Variants in IGF2 observed in about 807,000 individuals in gnomAD.
IGF2 encodes insulin like growth factor 2, also known as insulin-like growth factor 2.
In IGF2, 2 loss-of-function variants were observed where a neutral mutation model predicts 12.0. The ratio of observed to expected loss-of-function variants is 0.17; its 90% CI spans 0.07 to 0.52. IGF2 has a LOEUF of 0.52. Among genes scored for constraint, IGF2 ranks in the 20% least tolerant of loss-of-function variants. IGF2 has a pLI of 0.95. For missense variants in IGF2, 211 were observed against 268.0 expected (o/e 0.79, Z 1.48); for synonymous variants, 105 against 110.1 (o/e 0.95, Z 0.29).
rs778883501 is a variant in IGF2, at chr11:2,133,498, A to G, written c.306+19T>C. ...TTTCTCTGTCTCTAGAGAGTGGGAAAGGGGCCCAGGACCCTCACCGGAAGC... is the reference window on the plus strand; with the variant it reads ...TTTCTCTGTCTCTAGAGAGTGGGAAGGGGGCCCAGGACCCTCACCGGAAGC... On this transcript the variant is annotated intron_variant, in intron 3 of 3. Transcript: ENST00000416167. This position sits in a 1 kb window ranked among gnomAD's most constrained non-coding sequence, Gnocchi z 8.9. The G allele has an allele frequency of 6.2e-7, 1 of 1,603,080 alleles. No homozygotes were observed. Among genetic ancestry groups the G allele is most frequent in the East Asian group, 2.2e-5 (1 of 44,612 alleles).
rs1426887246 is a variant in IGF2, at chr11:2,137,343, G to A, written c.-7+886C>T. 3 of 775,306 alleles carry A rather than the reference G, an allele frequency of 3.9e-6. No individual in the cohort carries two copies. The African/African-American group carries it at 5.7e-5, about 15-fold the overall frequency. 48.0% of individuals were successfully genotyped at this position (775,306 alleles called of 1,614,324 possible). ...TGTGAGCCGACTCCTCCCAGCCCGG[G>A]CTCCACCCTACCCCCCACCCCTCTC... On this transcript the variant is annotated intron_variant, in intron 1 of 3. Coordinates refer to ENST00000416167, the MANE Select transcript of IGF2 (RefSeq NM_000612.6).
chr11:2,129,410 C>G lies in IGF2; in HGVS notation c.*3577G>C, dbSNP rs894519033. 2.6e-5 allele frequency: 6 copies of G among 229,464 alleles called. No individual in the cohort carries two copies. The highest frequency in any genetic ancestry group is 4.4e-5 in the African/African-American group (2 of 45,062). The allele number at this position is 229,464 out of a possible 1,614,324, so 14.2% of individuals were successfully genotyped here. Reference sequence around the variant, plus strand: ...AGGCACGGAGGTCAGACAGGCAGCCCGGGCCAGGATGGTTAGTGGCCCAGG... The same window carrying G: ...AGGCACGGAGGTCAGACAGGCAGCCGGGGCCAGGATGGTTAGTGGCCCAGG... On this transcript the variant is annotated 3_prime_UTR_variant, in exon 4 of 4. Coordinates refer to ENST00000416167, the MANE Select transcript of IGF2 (RefSeq NM_000612.6). The surrounding 1 kb of genome is among the most constrained non-coding windows in gnomAD (Gnocchi z 8.1).
upstream of IGF2, chr11:2,141,195 C>A: frequency 6.4e-6 from 1 of 156,144 alleles, no homozygotes; most frequent in Non-Finnish European, 1.4e-5. Context: ...CAGAGAGGCC[C>A]GAAACCAGTG....
Position 2,133,952 on chromosome 11 carries a change from C to G in IGF2, c.158-287G>C, listed in dbSNP as rs113257255. Among the ~76,000 whole-genome samples, 1,220 of 152,340 alleles carry G rather than the reference C, an allele frequency of 8.0e-3. 6 individuals carry two copies. The highest frequency in any genetic ancestry group is 0.014 in the Middle Eastern group (4 of 294). On this transcript the variant is annotated intron_variant, in intron 2 of 3. Coordinates refer to ENST00000416167, the MANE Select transcript of IGF2 (RefSeq NM_000612.6). The surrounding 1 kb of genome is among the most constrained non-coding windows in gnomAD (Gnocchi z 8.9). ...TCTTGGTCCCACAACCAGAGGGACA[C>G]CACCAGGACCAAAGGCTCACAATGG...
intron 1 of IGF2, 33 bp downstream of exon 1, chr11:2,138,196 C>T: frequency 2.0e-6 from 2 of 983,274 alleles, no homozygotes; most frequent in Non-Finnish European, 2.4e-6. Context: ...CGCCCCAGCC[C>T]CGGCCCCGGC....
chr11:2,133,056 C>T lies in IGF2; in HGVS notation c.474G>A (p.Leu158=), dbSNP rs767032426. The change falls in exon 4 of 4, where the codon CTG becomes CTA. Residue 158 remains leucine (L), a synonymous_variant. Coordinates refer to ENST00000416167, the MANE Select transcript of IGF2 (RefSeq NM_000612.6). The surrounding 1 kb of genome is among the most constrained non-coding windows in gnomAD (Gnocchi z 8.9). ...AFREAKRHRP[L]IALPTQDPAH... ...CGGGGTCTTGGGTGGGTAGAGCAATCAGGGGACGGTGACGTTTGGCCTCCC... is the reference window on the plus strand; with the variant it reads ...CGGGGTCTTGGGTGGGTAGAGCAATTAGGGGACGGTGACGTTTGGCCTCCC... 1.4e-5 allele frequency: 23 copies of T among 1,602,850 alleles called. No individual in the cohort carries two copies. Among genetic ancestry groups the T allele is most frequent in the Non-Finnish European group, 2.0e-5 (23 of 1,173,806 alleles).
chr11:2,142,580 T>C (rs879651372), upstream of IGF2, among the ~76,000 whole-genome samples: 6 of 152,172 alleles, frequency 3.9e-5, no homozygotes, highest in Non-Finnish European at 8.8e-5. The surrounding 1 kb of genome is among the most constrained non-coding windows in gnomAD (Gnocchi z 5.7). Context: ...GAGGGCAGCG[T>C]CCAGAACATC....
rs1389321188 is a variant in IGF2 at position 2,130,804 on chromosome 11, A to G, written c.*2183T>C. On this transcript the variant is annotated 3_prime_UTR_variant, in exon 4 of 4. Coordinates refer to ENST00000416167, the MANE Select transcript of IGF2 (RefSeq NM_000612.6). ...CCCCCCACCCACCCCTCCAACCGCC[A>G]GACTTCCCACACTCCCCGCATCAGT... 1 of 34,078 alleles carries G rather than the reference A, an allele frequency of 2.9e-5. No individual in the cohort carries two copies. The highest frequency in any genetic ancestry group is 1.2e-3 in the South Asian group (1 of 858). 2.1% of individuals were successfully genotyped at this position (34,078 alleles called of 1,614,324 possible).
chr11:2,149,144 G>A, the IGF2 span: 61 of 1,613,234 alleles, frequency 3.8e-5, no homozygotes, highest in Middle Eastern at 1.6e-4. Flanking sequence ...TAGTCCCTGC[G>A]CAGTCCCCGC....
chr11:2,144,289 C>A (rs1056146393), upstream of IGF2, among the ~76,000 whole-genome samples: 1 of 152,132 alleles, frequency 6.6e-6, no homozygotes, highest in Non-Finnish European at 1.5e-5. Flanking sequence ...CGCCACTGCG[C>A]CCCACTCGCC....
chr11:2,140,267 C>G (rs1859470694), upstream of IGF2: 2 of 1,613,026 alleles, frequency 1.2e-6, no homozygotes, highest in East Asian at 4.5e-5. Context: ...CGGGGGCCAC[C>G]ACGATAATTT....
chr11:2,140,044 C>A (rs866239911), upstream of IGF2: 3 of 1,319,806 alleles, frequency 2.3e-6, no homozygotes, highest in Non-Finnish European at 3.1e-6. Context: ...CCGGCTGCGC[C>A]GGGCCGAATC....
the IGF2 span, chr11:2,147,477 C>T: frequency 1.9e-6 from 1 of 520,188 alleles, no homozygotes; most frequent in Non-Finnish European, 3.0e-6. The surrounding 1 kb of genome is among the most constrained non-coding windows in gnomAD (Gnocchi z 7.2). Context: ...GCCAAAGCTG[C>T]TTGCAGAAGG....
chr11:2,140,563 C>T (rs1175202489), upstream of IGF2: 6 of 493,812 alleles, frequency 1.2e-5, no homozygotes, highest in South Asian at 2.1e-5. Flanking sequence ...AGCGCCTCTC[C>T]TCCGCGTCCC....
the IGF2 span, chr11:2,149,110 A>G: frequency 6.2e-7 from 1 of 1,608,624 alleles, no homozygotes; most frequent in Admixed American, 1.7e-5. Flanking sequence ...CACTCAAGGG[A>G]TGGGAGCCCA....
At chr11:2,137,109 G>T in intron 1 of IGF2, 1 of 459,326 alleles carries the variant, frequency 2.2e-6, no homozygotes, top group Non-Finnish European at 2.9e-6. Flanking sequence ...AGGCCCAGGC[G>T]TGGGCCGTGC....
In IGF2 at chr11:2,133,091, C is replaced by G. The variant is rs150866176; in HGVS notation, c.439G>C (p.Glu147Gln). The change falls in exon 4 of 4, where the codon GAG becomes CAG. Residue 147 changes from glutamate (E) to glutamine (Q), a missense_variant. Around this residue, in one of 3 missense-constraint regions of IGF2, gnomAD observed 141 missense variants for 153.1 expected, o/e 0.92. Transcript: ENST00000416167. The surrounding 1 kb of genome is among the most constrained non-coding windows in gnomAD (Gnocchi z 8.9). ...TGACGTTTGGCCTCCCTGAACGCCT[C>G]GAGCTCCTTGGCGAGCACGTGACCC... ...RRGHVLAKEL[E>Q]AFREAKRHRP... The G allele has an allele frequency of 1.4e-4, 233 of 1,607,920 alleles. No homozygotes were observed. Among genetic ancestry groups the G allele is most frequent in the Non-Finnish European group, 1.8e-4 (217 of 1,177,002 alleles).
rs1305757602 is a variant in IGF2 at position 2,130,357 on chromosome 11, G to A, written c.*2630C>T. ...TCCACTCCCCTCTGACTTCTCCAAG[G>A]GGGCTCAGTGGCCAGTGCCCCCCAG... is the stretch of plus-strand genomic sequence containing the variant. On this transcript the variant is annotated 3_prime_UTR_variant, in exon 4 of 4. Coordinates refer to ENST00000416167, the MANE Select transcript of IGF2 (RefSeq NM_000612.6). The A allele has an allele frequency of 2.6e-5, 6 of 229,062 alleles. No homozygotes were observed. The highest frequency in any genetic ancestry group is 5.2e-5 in the Non-Finnish European group (6 of 115,644). 14.2% of individuals were successfully genotyped at this position (229,062 alleles called of 1,614,324 possible).
Position 2,138,380 on chromosome 11 carries a change from CT to C in IGF2, c.-159del, listed in dbSNP as rs1170161753. ...GCGACGGGGCAGAGCGGGGGGATGG[CT>C]TTTTTTTGGGGGGGGGGGGAGAATT... On this transcript the variant is annotated 5_prime_UTR_variant, in exon 1 of 4. Transcript: ENST00000416167. 1.4e-4 allele frequency: 83 copies of C among 611,456 alleles called. No individual in the cohort carries two copies. The highest frequency in any genetic ancestry group is 3.0e-4 in the Admixed American group (2 of 6,614). The allele number at this position is 611,456 out of a possible 1,614,324, so 37.9% of individuals were successfully genotyped here.
Sources: allele counts gnomAD v4.1 joint callset (sites outside exome capture counted in the v4.1 genomes callset), GRCh38; gene constraint gnomAD v4.1.1; regional missense constraint gnomAD v4.1.1; non-coding constraint Gnocchi (gnomAD v3.1); transcripts MANE v1.5; gene names NCBI Gene and HGNC (gene_info 2026-07-23, HGNC 2026-07-21).